The following GPBP1 variants were observed in gnomAD, a reference collection of about 807,000 sequenced individuals.
GPBP1 encodes the protein GC-rich promoter binding protein 1, also known as vasculin.
GPBP1 carries 13 observed loss-of-function variants against 56.5 expected under a neutral mutation model. The ratio of observed to expected loss-of-function variants is 0.23; its 90% confidence interval spans 0.15 to 0.37. GPBP1 has a LOEUF of 0.37. Among genes scored for constraint, GPBP1 ranks in the 10% least tolerant of loss-of-function variants. The pLI, the probability that GPBP1 is intolerant of heterozygous loss-of-function variation, is 1.00. For synonymous variants in GPBP1, 204 were observed against 188.9 expected, an observed-to-expected ratio of 1.08 and a Z score of -0.66; for missense variants, 477 against 572.3, an observed-to-expected ratio of 0.83 and a Z score of 1.70.
At chr5:57,198,575 G>A (rs891642711) in intron 2 of GPBP1, among the ~76,000 whole-genome samples, 5 of 152,014 alleles carry the variant, frequency 3.3e-5, no homozygotes, top group East Asian at 1.9e-4. Flanking sequence ...TTATTAGGCC[G>A]GGCGCAGTCA....
intron 3 of GPBP1, among the ~76,000 whole-genome samples, chr5:57,224,338 G>A (rs1392652058): frequency 1.3e-5 from 2 of 151,544 alleles, no homozygotes; most frequent in African/African-American, 2.4e-5. Flanking sequence ...TGCCTCCCAG[G>A]TTCAAGCATT....
intron 2 of GPBP1, among the ~76,000 whole-genome samples, chr5:57,204,400 C>A (rs1755144424): frequency 6.6e-6 from 1 of 152,092 alleles, no homozygotes; most frequent in African/African-American, 2.4e-5. Context: ...CAGGCCTGCA[C>A]CACCACACCT....
chr5:57,256,520 TTAAAC>T (rs1299600614), intron 10 of GPBP1, among the ~76,000 whole-genome samples: 1 of 152,152 alleles, frequency 6.6e-6, no homozygotes, highest in African/African-American at 2.4e-5. Context: ...ACCATATAGT[TTAAAC>T]TATAAAAAGA....
chr5:57,252,283 T>C (rs1741434483), intron 10 of GPBP1, among the ~76,000 whole-genome samples: 1 of 151,940 alleles, frequency 6.6e-6, no homozygotes, highest in Admixed American at 6.6e-5. Context: ...AAAGTTTTAA[T>C]TTTGATGTAG....
At chr5:57,221,239 C>T (rs1215582359) in intron 3 of GPBP1, 1 of 591,892 alleles carries the variant, frequency 1.7e-6, no homozygotes, top group Non-Finnish European at 2.9e-6. Context: ...ATATTTTACA[C>T]AGTCTTTTCA....
intron 2 of GPBP1, among the ~76,000 whole-genome samples, chr5:57,191,491 C>G (rs899865995): frequency 1.3e-5 from 2 of 151,590 alleles, no homozygotes. Context: ...ACTGTTGAGT[C>G]AGAAGCCTTG....
intron 2 of GPBP1, among the ~76,000 whole-genome samples, chr5:57,180,739 T>A (rs1176962304): frequency 6.6e-6 from 1 of 152,058 alleles, no homozygotes. Flanking sequence ...ATGTAAAGAT[T>A]TTTTTGGGGT....
chr5:57,254,944 A>C (rs1215120095), intron 10 of GPBP1, among the ~76,000 whole-genome samples: 1 of 152,240 alleles, frequency 6.6e-6, no homozygotes, highest in Non-Finnish European at 1.5e-5. Flanking sequence ...CACATAATAC[A>C]GTTTATGACT....
intron 2 of GPBP1, among the ~76,000 whole-genome samples, chr5:57,180,478 T>A (rs984489305): frequency 1.3e-5 from 2 of 152,164 alleles, no homozygotes; most frequent in African/African-American, 2.4e-5. Context: ...GATAAAAATG[T>A]TTATCAAATG....
At position 57,217,173 on chromosome 5, in the gene GPBP1, G is replaced by A. The variant is rs187729818; in HGVS notation, c.63+2980G>A. 3.9e-5 allele frequency among the ~76,000 whole-genome samples: 6 copies of A among 151,988 alleles called. No individual in the cohort carries two copies. The East Asian group carries it at 5.8e-4, about 15-fold the overall frequency. ...AATAGTCTGCAAAGTGGAAAATAGC[G>A]GCGTATTCTGATAAAAAGTTGTAAT... On this transcript the variant is annotated intron_variant, in intron 3 of 11. Coordinates refer to ENST00000506184, the MANE Select transcript of GPBP1 (RefSeq NM_022913.4).
chr5:57,253,239 C>T (rs945532570), intron 10 of GPBP1, among the ~76,000 whole-genome samples: 3 of 152,046 alleles, frequency 2.0e-5, no homozygotes, highest in African/African-American at 4.8e-5. Context: ...TTGAAAACTA[C>T]GAAAGCAAAG....
rs1368226455 is a variant in GPBP1, at chr5:57,175,612, A to T, written c.-846A>T. ...CTGTGAAGTGAATTGATAGTAGTGA[A>T]CAATTCAGCAAGCTACTTAAAAAGA... On this transcript the variant is annotated 5_prime_UTR_variant, in exon 2 of 12. Coordinates refer to ENST00000506184, the MANE Select transcript of GPBP1 (RefSeq NM_022913.4). The T allele has an allele frequency of 2.5e-6, 1 of 397,080 alleles. No individual in the cohort carries two copies. Among genetic ancestry groups the T allele is most frequent in the African/African-American group, 2.1e-5 (1 of 48,600 alleles). 24.6% of individuals were successfully genotyped at this position (397,080 alleles called of 1,614,324 possible).
At chr5:57,234,852 G>A (rs1756599061) in intron 5 of GPBP1, among the ~76,000 whole-genome samples, 1 of 148,656 alleles carries the variant, frequency 6.7e-6, no homozygotes, top group South Asian at 2.1e-4. Context: ...AAACTGGATT[G>A]TGCCCACAAT....
intron 7 of GPBP1, 98 bp from the exon 8 acceptor site, chr5:57,246,977 C>T: frequency 2.0e-6 from 2 of 983,608 alleles, no homozygotes; most frequent in Non-Finnish European, 3.0e-6. Flanking sequence ...TTTCCATGAG[C>T]CTAGCGTAGT....
In GPBP1 at chr5:57,263,299, T is replaced by G. The variant is rs1424349827; in HGVS notation, c.*547T>G. 6.6e-6 allele frequency: 1 copy of G among 152,326 alleles called. No individual in the cohort carries two copies. Among genetic ancestry groups the G allele is most frequent in the Non-Finnish European group, 1.5e-5 (1 of 68,140 alleles). 9.4% of individuals were successfully genotyped at this position (152,326 alleles called of 1,614,324 possible). A position where few individuals can be genotyped will look rare whatever the true frequency, so the allele number is the denominator to read the frequency against. Reference sequence around the variant, plus strand: ...TGGAGCAAAGTGCACTAAAACAATTTCCTGAACTCACCTGTTGTACTATTC... The same window carrying G: ...TGGAGCAAAGTGCACTAAAACAATTGCCTGAACTCACCTGTTGTACTATTC... On this transcript the variant is annotated 3_prime_UTR_variant, in exon 12 of 12. Transcript: ENST00000506184.
chr5:57,237,814 T>TA lies in GPBP1; in HGVS notation c.478+1787dup, dbSNP rs1256714287. 1.2e-3 allele frequency among the ~76,000 whole-genome samples: 181 copies of TA among 151,620 alleles called. 1 individual carries two copies. Among genetic ancestry groups the TA allele is most frequent in the African/African-American group, 4.3e-3 (176 of 41,332 alleles). The stretch of plus-strand genomic sequence containing the variant: ...CTAGTGCTACTTCCTTCCAGGTAAG[T>TA]AAAAATTTACTAACGAAAATATAAT... On this transcript the variant is annotated intron_variant, in intron 6 of 11. Coordinates refer to ENST00000506184, the MANE Select transcript of GPBP1 (RefSeq NM_022913.4).
Position 57,231,195 on chromosome 5 carries a change from C to T in GPBP1, c.285C>T (p.Ser95=), listed in dbSNP as rs778451979. ...GAGGTGGATACCATGGTGGAAGTTC[C>T]CGTTCTCGTAGCAGTATTTTCCATG... ...NHRGGYHGGS[S]RSRSSIFHAG... is the part of the protein sequence containing the mutation. The change falls in exon 5 of 12, where the codon TCC becomes TCT. Residue 95 remains serine (S), a synonymous_variant. Transcript: ENST00000506184. 1.2e-6 allele frequency: 2 copies of T among 1,614,090 alleles called. No homozygotes were observed. Among genetic ancestry groups the T allele is most frequent in the Admixed American group, 3.3e-5 (2 of 60,012 alleles).
In GPBP1 at chr5:57,247,329, T is replaced by A. The variant is rs77873463; in HGVS notation, c.804+114T>A. ...ATACATTAAAATGAGTTTCATTCCT[T>A]CAGAAAACTGGATTCATTTACTTCA... is the stretch of plus-strand genomic sequence containing the variant. On this transcript the variant is annotated intron_variant, in intron 8 of 11. Transcript: ENST00000506184. 9.9e-3 allele frequency: 8,624 copies of A among 870,326 alleles called. 165 individuals are homozygous for A. Among genetic ancestry groups the A allele is most frequent in the Admixed American group, 0.064 (1,818 of 28,212 alleles). The allele number at this position is 870,326 out of a possible 1,614,324, so 53.9% of individuals were successfully genotyped here.
At chr5:57,187,038 G>GTGTGTGTGTA (rs1554058472) in intron 2 of GPBP1, among the ~76,000 whole-genome samples, 1 of 144,046 alleles carries the variant, frequency 6.9e-6, no homozygotes, top group Non-Finnish European at 1.5e-5. Flanking sequence ...GTGTGTGTGT[G>GTGTGTGTGTA]TATGTATGTT....
Sources: gnomAD v4.1 joint callset for allele counts (sites outside exome capture counted in the v4.1 genomes callset) on GRCh38, gnomAD v4.1.1 for gene constraint, MANE v1.5 for transcripts, NCBI Gene and HGNC (gene_info 2026-07-23, HGNC 2026-07-21) for gene names.